Variants in COL15A1 observed in about 807,000 individuals in gnomAD.
The protein encoded by COL15A1 is collagen alpha-1(XV) chain.
A neutral mutation model predicts 165.9 loss-of-function variants in COL15A1; 111 were observed. That is an observed-to-expected ratio of 0.67 (90% CI 0.57 to 0.78). The LOEUF (loss-of-function observed/expected upper bound fraction) is 0.78, where lower values mean the gene tolerates loss of function less well. COL15A1 is among the 30% of genes least tolerant of loss of function. The probability of loss-of-function intolerance (pLI) is 0.00; values close to 1 mark genes in which losing one functional copy is unlikely to be tolerated. For missense variants in COL15A1, 1,745 were observed against 1,789.7 expected, an observed-to-expected ratio of 0.98 and a Z score of 0.45; for synonymous variants, 659 against 674.8, an observed-to-expected ratio of 0.98 and a Z score of 0.36.
At chr9:99,024,285 G>T (rs10120034) in intron 14 of COL15A1, among the ~76,000 whole-genome samples, 78,027 of 125,512 alleles carry the variant, frequency 0.62, 25,137 homozygotes, top group East Asian at 0.91. Flanking sequence ...TTGTTTTTTT[G>T]TTTTTTTTTT....
At chr9:98,987,488 C>T in intron 4 of COL15A1, 120 bp downstream of exon 4, 1 of 858,026 alleles carries the variant, frequency 1.2e-6, no homozygotes, top group Non-Finnish European at 1.8e-6. Context: ...GCAACTGCTG[C>T]CTCAAGTCCT....
rs186332233 is a variant in COL15A1 at position 99,023,605 on chromosome 9, G to A, written c.1854+156G>A. 1.8e-3 allele frequency among the ~76,000 whole-genome samples: 269 copies of A among 152,294 alleles called. 3 individuals carry two copies. The highest frequency in any genetic ancestry group is 6.2e-3 in the African/African-American group (257 of 41,560). ...GGGGGTTCATTCTACTTTTCCTTGT[G>A]CTTGTATATATGTTTGAAATTGTTC... is the stretch of plus-strand genomic sequence containing the variant. On this transcript the variant is annotated intron_variant, in intron 14 of 41. Transcript: ENST00000375001.
At chr9:99,067,331 C>A (rs961435509) in intron 40 of COL15A1, among the ~76,000 whole-genome samples, 1 of 152,100 alleles carries the variant, frequency 6.6e-6, no homozygotes, top group Non-Finnish European at 1.5e-5. Flanking sequence ...TTACAAAGTA[C>A]CTCATTATCT....
chr9:99,006,663 CTCT>C (rs60117628), intron 9 of COL15A1, among the ~76,000 whole-genome samples: 16,216 of 152,202 alleles, frequency 0.11, 1,020 homozygotes, highest in East Asian at 0.25. Context: ...CTTTCTCCTC[CTCT>C]TCTTCTCCAC....
At chr9:99,020,322 C>T (rs1057293651) in intron 11 of COL15A1, 67 bp from the exon 12 acceptor site, 14 of 1,148,630 alleles carry the variant, frequency 1.2e-5, no homozygotes, top group East Asian at 2.3e-5. Flanking sequence ...GGAATGTCAT[C>T]GGAACTCAGC....
chr9:98,990,247 T>C (rs571880739), intron 5 of COL15A1, among the ~76,000 whole-genome samples: 2 of 152,112 alleles, frequency 1.3e-5, no homozygotes, highest in African/African-American at 4.8e-5. Context: ...AAGGCCCAGA[T>C]AGGGGAAGAC....
chr9:99,025,644 A>T (rs1384755942), intron 15 of COL15A1, among the ~76,000 whole-genome samples: 1 of 152,140 alleles, frequency 6.6e-6, no homozygotes, highest in Non-Finnish European at 1.5e-5. Flanking sequence ...ACCCTTGGAG[A>T]CCATCTGGTC....
intron 30 of COL15A1, among the ~76,000 whole-genome samples, chr9:99,052,075 G>T (rs1839598015): frequency 6.6e-6 from 1 of 152,186 alleles, no homozygotes; most frequent in Admixed American, 6.5e-5. Context: ...GTTCACAGTT[G>T]GCCAAACCAC....
At chr9:98,953,401 C>A (rs1837721910) in intron 2 of COL15A1, among the ~76,000 whole-genome samples, 2 of 152,262 alleles carry the variant, frequency 1.3e-5, no homozygotes, top group South Asian at 4.1e-4. Flanking sequence ...GCAGCCCACT[C>A]TTTATCCCCA....
intron 9 of COL15A1, among the ~76,000 whole-genome samples, chr9:99,008,439 C>T (rs890992348): frequency 1.3e-5 from 2 of 152,134 alleles, no homozygotes; most frequent in African/African-American, 4.8e-5. Flanking sequence ...CAGTCAAAAC[C>T]ATGGTAAAAT....
At chr9:98,979,025 T>C (rs1838188594) in intron 2 of COL15A1, among the ~76,000 whole-genome samples, 1 of 152,180 alleles carries the variant, frequency 6.6e-6, no homozygotes, top group Admixed American at 6.5e-5. Flanking sequence ...ATATAGTACA[T>C]CTTGATTGTT....
chr9:99,025,981 G>A lies in COL15A1; in HGVS notation c.2043+15G>A, dbSNP rs751932511. On this transcript the variant is annotated intron_variant, in intron 16 of 41. Transcript: ENST00000375001. ...AAGGGGAGAAGGTACGGGGAACACG[G>A]GAGGGTCCCACCACATGGGAGCCAC... 1 of 1,604,092 alleles carries A rather than the reference G, an allele frequency of 6.2e-7. No homozygotes were observed. Among genetic ancestry groups the A allele is most frequent in the Non-Finnish European group, 8.5e-7 (1 of 1,175,302 alleles).
chr9:98,948,588 C>A (rs1837625386), intron 2 of COL15A1, among the ~76,000 whole-genome samples: 1 of 115,320 alleles, frequency 8.7e-6, no homozygotes, highest in African/African-American at 3.7e-5. Context: ...CAGAGGGAGA[C>A]TCTGTCTCAA....
intron 2 of COL15A1, among the ~76,000 whole-genome samples, chr9:98,946,811 T>C (rs532797280): frequency 2.6e-5 from 4 of 152,314 alleles, no homozygotes; most frequent in Admixed American, 2.0e-4. Context: ...TGAGGCACAG[T>C]CTTTTGCCCA....
chr9:99,000,825 C>T lies in COL15A1; in HGVS notation c.953-14C>T. On this transcript the variant is annotated splice_polypyrimidine_tract_variant and intron_variant, in intron 6 of 41. Coordinates refer to ENST00000375001, the MANE Select transcript of COL15A1 (RefSeq NM_001855.5). ...AAATGTAGTTATTGATAGCAGAATG[C>T]CTGCTTCCTGTAGGGTCTGGTGAGA... The T allele has an allele frequency of 7.9e-7, 1 of 1,266,752 alleles. No individual in the cohort carries two copies. Among genetic ancestry groups the T allele is most frequent in the South Asian group, 1.2e-5 (1 of 82,808 alleles). The allele number at this position is 1,266,752 out of a possible 1,614,324, so 78.5% of individuals were successfully genotyped here.
chr9:99,015,596 C>T (rs1036965253), intron 10 of COL15A1, 30 bp downstream of exon 10: 1 of 1,605,988 alleles, frequency 6.2e-7, no homozygotes, highest in South Asian at 1.1e-5. Flanking sequence ...CTCTCTGGCT[C>T]ACAGGGGAGA....
At position 99,052,371 on chromosome 9, in the gene COL15A1, C is replaced by T. The variant is rs753978305; in HGVS notation, c.2905-17C>T. On this transcript the variant is annotated splice_polypyrimidine_tract_variant and intron_variant, in intron 30 of 41. Transcript: ENST00000375001. ...GCAGAGCTTGCAGTGCCTAACCTGG[C>T]CTTCCTCTCTTTCCAGGTTGATACT... 3 of 1,605,460 alleles carry T rather than the reference C, an allele frequency of 1.9e-6. No homozygotes were observed. The highest frequency in any genetic ancestry group is 4.5e-5 in the East Asian group (2 of 44,866).
At chr9:98,947,837 A>G (rs532028050) in intron 2 of COL15A1, among the ~76,000 whole-genome samples, 2 of 152,254 alleles carry the variant, frequency 1.3e-5, no homozygotes, top group South Asian at 2.1e-4. Flanking sequence ...TGATCTGTTA[A>G]AAAGTGGGTC....
chr9:99,056,191 A>G (rs759844440), intron 34 of COL15A1, 69 bp from the exon 35 acceptor site: 1 of 1,427,466 alleles, frequency 7.0e-7, no homozygotes, highest in African/African-American at 1.4e-5. Context: ...TATTCTCATA[A>G]AAGGACTAGA....
Sources: gnomAD v4.1 joint callset for allele counts (sites outside exome capture counted in the v4.1 genomes callset) on GRCh38, gnomAD v4.1.1 for gene constraint, MANE v1.5 for transcripts, NCBI Gene and HGNC (gene_info 2026-07-23, HGNC 2026-07-21) for gene names.